The following COL4A3 variants were observed in gnomAD, a reference collection of about 807,000 sequenced individuals.
COL4A3 encodes the protein collagen alpha-3(IV) chain.
Under a neutral mutation model 217.4 loss-of-function variants are expected in COL4A3, and 135 were observed. The ratio of observed to expected loss-of-function variants is 0.62; its 90% CI spans 0.54 to 0.72. The LOEUF (loss-of-function observed/expected upper bound fraction) is 0.72, where lower values mean the gene tolerates loss of function less well. COL4A3 is among the 30% of genes least tolerant of loss of function. The probability of loss-of-function intolerance (pLI) is 0.00; values close to 1 mark genes in which losing one functional copy is unlikely to be tolerated. For synonymous variants in COL4A3, 690 were observed against 736.3 expected, an observed-to-expected ratio of 0.94 and a Z score of 1.02; for missense variants, 1,868 against 2,119.9, an observed-to-expected ratio of 0.88 and a Z score of 2.33.
At chr2:227,174,454 A>G (rs2065602650) in intron 1 of COL4A3, among the ~76,000 whole-genome samples, 2 of 152,162 alleles carry the variant, frequency 1.3e-5, no homozygotes, top group African/African-American at 2.4e-5. Context: ...AGTGCTCCAT[A>G]TAGTGCCTGG....
At chr2:227,196,628 T>A (rs2125719764) in intron 1 of COL4A3, among the ~76,000 whole-genome samples, 1 of 152,312 alleles carries the variant, frequency 6.6e-6, no homozygotes, top group Non-Finnish European at 1.5e-5. Context: ...TTTTTATCTT[T>A]TATATTGCAT....
chr2:227,277,617 T>C, intron 28 of COL4A3, 64 bp downstream of exon 28: 1 of 909,418 alleles, frequency 1.1e-6, no homozygotes, highest in Non-Finnish European at 1.8e-6. Flanking sequence ...TTCATATGTA[T>C]AAATAAAATG....
At chr2:227,227,042 C>A (rs1484258385) in intron 1 of COL4A3, among the ~76,000 whole-genome samples, 1 of 152,198 alleles carries the variant, frequency 6.6e-6, no homozygotes, top group East Asian at 1.9e-4. Context: ...AATGTTATTT[C>A]TCTCTTAATT....
At chr2:227,195,581 A>G (rs978684456) in intron 1 of COL4A3, among the ~76,000 whole-genome samples, 3 of 152,050 alleles carry the variant, frequency 2.0e-5, no homozygotes, top group Non-Finnish European at 4.4e-5. Context: ...ATAATACTTG[A>G]TAATGACGAT....
chr2:227,221,742 T>C (rs748351764), intron 1 of COL4A3, among the ~76,000 whole-genome samples: 2 of 152,144 alleles, frequency 1.3e-5, no homozygotes, highest in Admixed American at 6.6e-5. Flanking sequence ...TTCTTCCCCC[T>C]GTTAGAACAT....
chr2:227,308,568 T>A (rs1251934555), intron 48 of COL4A3, among the ~76,000 whole-genome samples: 1 of 152,240 alleles, frequency 6.6e-6, no homozygotes, highest in African/African-American at 2.4e-5. Flanking sequence ...CTTTATTTGG[T>A]TATTAGCTAT....
At chr2:227,271,461 ATTTTTTTTTTTTTT>A (rs397988092) in intron 25 of COL4A3, among the ~76,000 whole-genome samples, 5 of 104,694 alleles carry the variant, frequency 4.8e-5, no homozygotes, top group Non-Finnish European at 7.5e-5. Context: ...ACCTACCAAG[ATTTTTTTTTTTTTT>A]TTTTTTTTTT....
At chr2:227,252,596 A>G (rs1268523989) in intron 11 of COL4A3, among the ~76,000 whole-genome samples, 2 of 150,958 alleles carry the variant, frequency 1.3e-5, no homozygotes, top group Non-Finnish European at 3.0e-5. Context: ...GCACACACAC[A>G]CACACACACA....
rs1350522705 is a variant in COL4A3, at chr2:227,196,008, A to T, written c.87+31195A>T. Among the ~76,000 whole-genome samples the T allele has an allele frequency of 4.6e-5, 7 of 152,192 alleles. No individual in the cohort carries two copies. The East Asian group carries it at 1.3e-3, about 29-fold the overall frequency. On this transcript the variant is annotated intron_variant, in intron 1 of 51. Transcript: ENST00000396578. ...ATAAAGAGAAAGAAAATATTTCTGT[A>T]CAGCTAGCTGTACCATGTGTTTGTG...
chr2:227,224,771 A>T (rs1400164826), intron 1 of COL4A3, among the ~76,000 whole-genome samples: 4 of 149,818 alleles, frequency 2.7e-5, no homozygotes, highest in African/African-American at 9.8e-5. Context: ...AAAAAAAAAA[A>T]TGAATGATTA....
intron 32 of COL4A3, 45 bp from the exon 33 acceptor site, chr2:227,283,722 C>A: frequency 6.5e-7 from 1 of 1,537,838 alleles, no homozygotes; most frequent in Non-Finnish European, 9.0e-7. Context: ...TTGCTTTTCT[C>A]ACTCTGTACA....
intron 37 of COL4A3, among the ~76,000 whole-genome samples, chr2:227,291,500 T>G (rs917581244): frequency 2.9e-5 from 4 of 139,208 alleles, no homozygotes; most frequent in African/African-American, 1.1e-4. Flanking sequence ...GAGGCGGAGC[T>G]TGCAGTGAGC....
At chr2:227,309,378 G>T in intron 50 of COL4A3, 60 bp downstream of exon 50, 1 of 1,321,248 alleles carries the variant, frequency 7.6e-7, no homozygotes, top group Middle Eastern at 1.9e-4. Flanking sequence ...GTTACATTGT[G>T]CTGGGTAAAA....
At chr2:227,276,521 A>ACT in intron 27 of COL4A3, 44 bp downstream of exon 27, 1 of 1,368,406 alleles carries the variant, frequency 7.3e-7, no homozygotes, top group Non-Finnish European at 1.0e-6. Context: ...TCAGACACAC[A>ACT]CAACACCCTG....
intron 43 of COL4A3, chr2:227,301,828 AG>A (rs1341296661): frequency 6.6e-6 from 1 of 152,250 alleles, no homozygotes; most frequent in East Asian, 1.9e-4. Flanking sequence ...ATCAGAAGCC[AG>A]CAAGTCCTTG....
intron 34 of COL4A3, among the ~76,000 whole-genome samples, chr2:227,288,776 A>T (rs4325739): frequency 6.6e-6 from 1 of 151,974 alleles, no homozygotes; most frequent in African/African-American, 2.4e-5. Flanking sequence ...AATGCTTGAC[A>T]CATATTATTT....
intron 1 of COL4A3, among the ~76,000 whole-genome samples, chr2:227,171,122 A>G (rs2065458905): frequency 6.6e-6 from 1 of 152,208 alleles, no homozygotes; most frequent in African/African-American, 2.4e-5. Context: ...ATTCGGGTCA[A>G]GGAACAGCAC....
intron 50 of COL4A3, 94 bp downstream of exon 50, chr2:227,309,412 C>T: frequency 1.1e-6 from 1 of 927,330 alleles, no homozygotes; most frequent in Non-Finnish European, 1.7e-6. Flanking sequence ...GTCGATGCTG[C>T]CTGCTGTCCG....
chr2:227,244,222 C>G, intron 3 of COL4A3, 98 bp from the exon 4 acceptor site: 3 of 938,562 alleles, frequency 3.2e-6, no homozygotes, highest in Non-Finnish European at 5.3e-6. Flanking sequence ...AAGGGCAAAA[C>G]AGCTTGGCAT....
Sources: gnomAD v4.1 joint callset for allele counts (sites outside exome capture counted in the v4.1 genomes callset) on GRCh38, gnomAD v4.1.1 for gene constraint, MANE v1.5 for transcripts, NCBI Gene and HGNC (gene_info 2026-07-23, HGNC 2026-07-21) for gene names.